The following NTN1 variants were observed in gnomAD, a reference collection of about 807,000 sequenced individuals.
The protein encoded by NTN1 is netrin-1.
A neutral mutation model predicts 54.2 loss-of-function variants in NTN1; 11 were observed. That is an observed-to-expected ratio of 0.20 (90% CI 0.13 to 0.34). The LOEUF (loss-of-function observed/expected upper bound fraction) is 0.34. Ranked by LOEUF, NTN1 falls within the 10% of genes least tolerant of loss-of-function variation. NTN1 has a pLI of 1.00. For synonymous variants in NTN1, 371 were observed against 382.0 expected, an observed-to-expected ratio of 0.97 and a Z score of 0.33; for missense variants, 740 against 893.1, an observed-to-expected ratio of 0.83 and a Z score of 2.18.
intron 2 of NTN1, among the ~76,000 whole-genome samples, chr17:9,106,850 C>T (rs896008682): frequency 5.7e-5 from 4 of 70,052 alleles, no homozygotes; most frequent in African/African-American, 8.1e-5. Flanking sequence ...GTTGTATCTT[C>T]GCCGTCACCA....
At chr17:9,163,467 TC>T (rs200791264) in intron 3 of NTN1, among the ~76,000 whole-genome samples, 2 of 118,226 alleles carry the variant, frequency 1.7e-5, no homozygotes, top group African/African-American at 6.5e-5. Context: ...CGCCCCTCAC[TC>T]CCCCCCGAAA....
chr17:9,124,753 G>A (rs1487751785), intron 2 of NTN1, among the ~76,000 whole-genome samples: 2 of 152,178 alleles, frequency 1.3e-5, no homozygotes, highest in East Asian at 1.9e-4. Context: ...GGTCAGCCAC[G>A]GCGGCAGAGT....
chr17:9,115,860 C>T (rs1401031675), intron 2 of NTN1, among the ~76,000 whole-genome samples: 4 of 152,236 alleles, frequency 2.6e-5, no homozygotes, highest in African/African-American at 9.6e-5. Context: ...GTGTACTCGC[C>T]GTCTCCGAGG....
intron 2 of NTN1, among the ~76,000 whole-genome samples, chr17:9,045,128 A>G (rs573320910): frequency 2.8e-4 from 43 of 152,306 alleles, no homozygotes; most frequent in African/African-American, 9.9e-4. Context: ...TGGGAATAGG[A>G]TTAGAAGCAA....
rs952142634 is a variant in NTN1 at position 9,135,487 on chromosome 17, C to T, written c.1019-27326C>T. ...CCAGCAATAGTTCATTCGCCACTGT[C>T]GGGGTCAACCACTTAGTCCTCTTGA... On this transcript the variant is annotated intron_variant, in intron 2 of 6. Coordinates refer to ENST00000173229, the MANE Select transcript of NTN1 (RefSeq NM_004822.3). This position sits in a 1 kb window ranked among gnomAD's most constrained non-coding sequence, Gnocchi z 4.4. 3.9e-5 allele frequency among the ~76,000 whole-genome samples: 6 copies of T among 152,206 alleles called. No individual in the cohort carries two copies. The highest frequency in any genetic ancestry group is 2.1e-4 in the South Asian group (1 of 4,836).
At chr17:9,017,833 A>G (rs1230605244), upstream of NTN1, among the ~76,000 whole-genome samples, 2 of 152,174 alleles carry the variant, frequency 1.3e-5, no homozygotes, top group Admixed American at 6.5e-5. Flanking sequence ...TTGTCCCCTC[A>G]ACAGACAGGC....
chr17:9,124,861 T>C (rs1015098196), intron 2 of NTN1, among the ~76,000 whole-genome samples: 5 of 152,204 alleles, frequency 3.3e-5, no homozygotes, highest in Non-Finnish European at 7.3e-5. Context: ...TTAGCTTCTG[T>C]GTGCCTCAGT....
intron 2 of NTN1, among the ~76,000 whole-genome samples, chr17:9,037,213 A>G (rs1022569523): frequency 1.3e-5 from 2 of 152,224 alleles, no homozygotes; most frequent in African/African-American, 2.4e-5. Context: ...ATCATACTGT[A>G]TGTTCTCTTC....
Position 9,241,264 on chromosome 17 carries a change from C to G in NTN1, c.*1296C>G, listed in dbSNP as rs1477175629. On this transcript the variant is annotated 3_prime_UTR_variant, in exon 7 of 7. Transcript: ENST00000173229. ...CTGCCGGCCTGCCCCCTACAGCTGT[C>G]TTGGGTCTGGCCTGGGCCACACCTT... The G allele has an allele frequency of 6.6e-6, 1 of 152,464 alleles. No homozygotes were observed. Among genetic ancestry groups the G allele is most frequent in the Non-Finnish European group, 1.5e-5 (1 of 68,206 alleles). 9.4% of individuals were successfully genotyped at this position (152,464 alleles called of 1,614,324 possible). A position where few individuals can be genotyped will look rare whatever the true frequency, so the allele number is the denominator to read the frequency against.
At chr17:9,071,765 C>A (rs1042298863) in intron 2 of NTN1, among the ~76,000 whole-genome samples, 3 of 152,226 alleles carry the variant, frequency 2.0e-5, no homozygotes, top group African/African-American at 7.2e-5. Flanking sequence ...TTTCCCTACA[C>A]CTTGGAAAGT....
chr17:9,022,244 C>T (rs1309687092), intron 1 of NTN1, 67 bp from the exon 2 acceptor site: 8 of 1,061,470 alleles, frequency 7.5e-6, no homozygotes, highest in Non-Finnish European at 8.4e-6. Context: ...CATCTCCGCT[C>T]GCCACCCCGC....
intron 2 of NTN1, among the ~76,000 whole-genome samples, chr17:9,033,715 C>T (rs1432613972): frequency 6.6e-6 from 1 of 152,100 alleles, no homozygotes; most frequent in African/African-American, 2.4e-5. Flanking sequence ...GTTGGGAGTT[C>T]GAGACCAGCC....
chr17:9,034,027 A>G (rs979709700), intron 2 of NTN1, among the ~76,000 whole-genome samples: 4 of 152,232 alleles, frequency 2.6e-5, no homozygotes, highest in African/African-American at 9.6e-5. Context: ...AAATACCAAG[A>G]TACATGTATT....
intron 2 of NTN1, among the ~76,000 whole-genome samples, chr17:9,102,998 G>A (rs988545332): frequency 6.6e-6 from 1 of 152,182 alleles, no homozygotes; most frequent in Non-Finnish European, 1.5e-5. Context: ...GGCAGGAGGT[G>A]GCTTCTGATG....
chr17:9,083,362 C>T (rs577809598), intron 2 of NTN1, among the ~76,000 whole-genome samples: 1 of 152,380 alleles, frequency 6.6e-6, no homozygotes, highest in East Asian at 1.9e-4. Context: ...TCCCACAGTG[C>T]TGGGGTTATG....
chr17:9,232,808 C>T (rs1905859007), intron 6 of NTN1, among the ~76,000 whole-genome samples: 1 of 152,276 alleles, frequency 6.6e-6, no homozygotes, highest in East Asian at 1.9e-4. Context: ...GGCAGATGAG[C>T]ATCACTGAGA....
Position 9,037,200 on chromosome 17 carries a change from G to A in NTN1, c.1018+13809G>A, listed in dbSNP as rs147895215. On this transcript the variant is annotated intron_variant, in intron 2 of 6. Coordinates refer to ENST00000173229, the MANE Select transcript of NTN1 (RefSeq NM_004822.3). ...GCCTATTTTTGAACTTTATGTAATT[G>A]AAATCATACTGTATGTTCTCTTCAA... is the stretch of plus-strand genomic sequence containing the variant. Among the ~76,000 whole-genome samples the A allele has an allele frequency of 6.0e-3, 915 of 152,254 alleles. 8 individuals carry two copies. Among genetic ancestry groups the A allele is most frequent in the Non-Finnish European group, 5.2e-3 (352 of 68,016 alleles).
intron 2 of NTN1, among the ~76,000 whole-genome samples, chr17:9,036,095 A>C (rs369379578): frequency 1.5e-4 from 23 of 152,156 alleles, no homozygotes; most frequent in East Asian, 5.8e-4. Context: ...TCTTGGGCTC[A>C]AGGGATCCTT....
intron 2 of NTN1, among the ~76,000 whole-genome samples, chr17:9,072,989 T>C (rs2092037279): frequency 6.6e-6 from 1 of 152,224 alleles, no homozygotes; most frequent in Admixed American, 6.5e-5. Flanking sequence ...ATGTTGAAGA[T>C]CATAACATGA....
Sources: allele counts gnomAD v4.1 joint callset (sites outside exome capture counted in the v4.1 genomes callset), GRCh38; gene constraint gnomAD v4.1.1; non-coding constraint Gnocchi (gnomAD v3.1); transcripts MANE v1.5; gene names NCBI Gene and HGNC (gene_info 2026-07-23, HGNC 2026-07-21).